The following ZC3H12B variants were observed in gnomAD, a reference collection of about 807,000 sequenced individuals.
The protein encoded by ZC3H12B is probable ribonuclease ZC3H12B.
In ZC3H12B, 7 loss-of-function variants were observed where a neutral mutation model predicts 43.9. The ratio of observed to expected loss-of-function variants is 0.16; its 90% CI spans 0.09 to 0.30. The LOEUF (loss-of-function observed/expected upper bound fraction) is 0.30. ZC3H12B is among the 10% of genes least tolerant of loss of function. The pLI, the probability that ZC3H12B is intolerant of heterozygous loss-of-function variation, is 1.00. For synonymous variants in ZC3H12B, 222 were observed against 241.7 expected (o/e 0.92, Z 0.76); for missense variants, 475 against 670.2 (o/e 0.71, Z 3.22).
chrX:65,102,255 A>G, the ZC3H12B span, among the ~76,000 whole-genome samples: 2 of 112,084 alleles, frequency 1.8e-5, no homozygotes, highest in Non-Finnish European at 3.8e-5. Context: ...AGAGCTATTT[A>G]TGACAAACCC....
Position 65,379,441 on chromosome X carries a change from C to T in ZC3H12B, n.295+10443C>T, listed in dbSNP as rs775259341. ...CTAACAAACAGAAAGGACATCCACA[C>T]CAAAAACCCATCTGTACATCACCAT... On this transcript the variant is annotated intron_variant and non_coding_transcript_variant, in intron 2 of 5. Coordinates refer to the ZC3H12B transcript ENST00000617377. Among the ~76,000 whole-genome samples the T allele has an allele frequency of 2.7e-5, 3 of 111,863 alleles. No homozygotes were observed. In the South Asian group the frequency reaches 1.1e-3, roughly 42 times the overall value.
the ZC3H12B span, among the ~76,000 whole-genome samples, chrX:65,333,564 C>A: frequency 8.9e-6 from 1 of 112,084 alleles, no homozygotes. Context: ...AAGATTAATT[C>A]AGTCTTCTAT....
the ZC3H12B span, among the ~76,000 whole-genome samples, chrX:65,135,752 T>TTTC: frequency 1.2e-3 from 116 of 99,497 alleles, 1 homozygote; most frequent in African/African-American, 4.2e-3. Context: ...TTTGTTTTCT[T>TTTC]TTTTTTTTTT....
the ZC3H12B span, among the ~76,000 whole-genome samples, chrX:65,072,416 C>G: frequency 1.8e-3 from 200 of 112,461 alleles, no homozygotes; most frequent in Non-Finnish European, 3.3e-3. Context: ...GGTTCAGAAC[C>G]CTTGCTAGAA....
At chrX:65,268,777 A>T in the ZC3H12B span, among the ~76,000 whole-genome samples, 1 of 111,747 alleles carries the variant, frequency 8.9e-6, no homozygotes, top group African/African-American at 3.3e-5. Flanking sequence ...TATATGAAAA[A>T]CCTACTATAA....
At chrX:65,320,602 G>A in the ZC3H12B span, among the ~76,000 whole-genome samples, 1 of 112,048 alleles carries the variant, frequency 8.9e-6, no homozygotes, top group African/African-American at 3.2e-5. Flanking sequence ...GCAATTTTAA[G>A]CAAAAGAACA....
chrX:65,217,676 CATT>C, the ZC3H12B span, among the ~76,000 whole-genome samples: 1 of 111,808 alleles, frequency 8.9e-6, no homozygotes, highest in Admixed American at 9.5e-5. Flanking sequence ...AAAAATGCAT[CATT>C]GTCTTCCAAC....
rs777241015 is a variant in ZC3H12B, at chrX:65,375,722, C to G, written n.295+6724C>G. Among the ~76,000 whole-genome samples the G allele has an allele frequency of 2.2e-4, 24 of 111,143 alleles. No individual in the cohort carries two copies. The East Asian group carries it at 6.3e-3, about 29-fold the overall frequency. ...AGGGAACCCACCACCTTGAAGGAAA[C>G]GACCCAATCCAGGCAGGACCCATCA... On this transcript the variant is annotated intron_variant and non_coding_transcript_variant, in intron 2 of 5. Transcript: ENST00000617377.
the ZC3H12B span, among the ~76,000 whole-genome samples, chrX:65,299,037 G>A: frequency 1.8e-5 from 2 of 111,590 alleles, no homozygotes; most frequent in African/African-American, 6.5e-5. Context: ...GGGGATAATG[G>A]GGATTATGGG....
chrX:65,082,093 A>G, the ZC3H12B span, among the ~76,000 whole-genome samples: 3 of 111,996 alleles, frequency 2.7e-5, no homozygotes, highest in East Asian at 8.4e-4. Flanking sequence ...GAAACACAAC[A>G]TACCAAAACC....
the ZC3H12B span, among the ~76,000 whole-genome samples, chrX:65,181,021 A>G: frequency 9.0e-6 from 1 of 111,639 alleles, no homozygotes; most frequent in Admixed American, 9.5e-5. Flanking sequence ...ACCTACAGTA[A>G]CCAAAACAGC....
chrX:65,497,841 T>A (rs1028384717), intron 2 of ZC3H12B, among the ~76,000 whole-genome samples: 2 of 112,256 alleles, frequency 1.8e-5, no homozygotes, highest in African/African-American at 6.5e-5. Context: ...TGTACAATGA[T>A]GTATCTAGCT....
the ZC3H12B span, among the ~76,000 whole-genome samples, chrX:65,337,248 C>T: frequency 7.2e-5 from 8 of 111,674 alleles, no homozygotes; most frequent in Non-Finnish European, 1.5e-4. Context: ...CAGTATCGTC[C>T]CTTTGGGGTT....
rs936214124 is a variant in ZC3H12B at position 65,501,443 on chromosome X, C to T, written c.1091-346C>T. Among the ~76,000 whole-genome samples, 52 of 109,253 alleles carry T rather than the reference C, an allele frequency of 4.8e-4. 1 individual carries two copies. Among genetic ancestry groups the T allele is most frequent in the African/African-American group, 1.5e-3 (45 of 29,905 alleles). The allele number at this position is 109,253 out of a possible 115,157, so 94.9% of individuals were successfully genotyped here. On this transcript the variant is annotated intron_variant, in intron 4 of 4. Coordinates refer to ENST00000338957, the Ensembl canonical transcript of ZC3H12B. ...TTTTGTTTGTATTTTTCTTTACAGA[C>T]GGGGTTTCACAATGTTGCCCAAGCT...
chrX:65,253,784 G>A, the ZC3H12B span, among the ~76,000 whole-genome samples: 1 of 111,850 alleles, frequency 8.9e-6, no homozygotes. Flanking sequence ...CAGCAGAGTG[G>A]CCCACACAGA....
the ZC3H12B span, among the ~76,000 whole-genome samples, chrX:65,130,888 G>A: frequency 8.9e-6 from 1 of 111,849 alleles, no homozygotes; most frequent in African/African-American, 3.2e-5. Flanking sequence ...CAGCATAGTT[G>A]TTGTCCTGAG....
chrX:65,179,462 A>G, the ZC3H12B span, among the ~76,000 whole-genome samples: 1 of 111,038 alleles, frequency 9.0e-6, no homozygotes, highest in Non-Finnish European at 1.9e-5. Flanking sequence ...CAAATTCAAA[A>G]GCTAGCAGAA....
At chrX:65,110,945 A>C in the ZC3H12B span, among the ~76,000 whole-genome samples, 4 of 111,202 alleles carry the variant, frequency 3.6e-5, no homozygotes, top group African/African-American at 1.3e-4. Flanking sequence ...TCCTCTCTAT[A>C]TTTTGTTATA....
intron 2 of ZC3H12B, among the ~76,000 whole-genome samples, chrX:65,371,126 CTATTT>C (rs1199005514): frequency 9.0e-6 from 1 of 110,924 alleles, no homozygotes; most frequent in Non-Finnish European, 1.9e-5. Flanking sequence ...TTTTAGGATG[CTATTT>C]TATACCTCAA....
Sources: allele counts gnomAD v4.1 joint callset (sites outside exome capture counted in the v4.1 genomes callset), GRCh38; gene constraint gnomAD v4.1.1; transcripts MANE v1.5; gene names NCBI Gene and HGNC (gene_info 2026-07-23, HGNC 2026-07-21).